Variants in GRID2 observed in about 807,000 individuals in gnomAD.
The protein encoded by GRID2 is glutamate ionotropic receptor delta type subunit 2, also known as glutamate receptor ionotropic, delta-2.
GRID2 carries 33 observed loss-of-function variants against 114.8 expected under a neutral mutation model. That is an observed-to-expected ratio of 0.29 (90% CI 0.22 to 0.38). The LOEUF (loss-of-function observed/expected upper bound fraction) is 0.38. Ranked by LOEUF, GRID2 falls within the 10% of genes least tolerant of loss-of-function variation. GRID2 has a pLI of 1.00. For missense variants in GRID2, 1,184 were observed against 1,257.7 expected, an observed-to-expected ratio of 0.94 and a Z score of 0.89; for synonymous variants, 505 against 449.9, an observed-to-expected ratio of 1.12 and a Z score of -1.55.
intron 1 of GRID2, among the ~76,000 whole-genome samples, chr4:92,380,152 C>CT (rs145161440): frequency 1.8e-4 from 27 of 150,926 alleles, no homozygotes; most frequent in South Asian, 4.2e-4. Flanking sequence ...AGCATTTTTA[C>CT]TTTTTTTTTG....
At chr4:93,506,421 G>A (rs1016136284) in intron 12 of GRID2, among the ~76,000 whole-genome samples, 1 of 152,028 alleles carries the variant, frequency 6.6e-6, no homozygotes, top group African/African-American at 2.4e-5. Flanking sequence ...TAGACCAAAC[G>A]CATCTTATAT....
At chr4:92,586,203 G>A (rs1728431256) in intron 1 of GRID2, among the ~76,000 whole-genome samples, 1 of 151,814 alleles carries the variant, frequency 6.6e-6, no homozygotes, top group Non-Finnish European at 1.5e-5. Context: ...AAACCAAGAA[G>A]GAGAAAAATC....
intron 1 of GRID2, among the ~76,000 whole-genome samples, chr4:92,386,883 T>C (rs1394252899): frequency 6.6e-6 from 1 of 151,910 alleles, no homozygotes; most frequent in African/African-American, 2.4e-5. Context: ...CTCATGTTTA[T>C]AAATTTGACA....
intron 7 of GRID2, among the ~76,000 whole-genome samples, chr4:93,235,058 T>G (rs1366079873): frequency 2.0e-5 from 3 of 152,090 alleles, no homozygotes; most frequent in East Asian, 3.8e-4. Flanking sequence ...TTTTTTTACT[T>G]TTTCCCCAAC....
At chr4:92,641,514 C>G (rs1731349436) in intron 2 of GRID2, among the ~76,000 whole-genome samples, 2 of 150,876 alleles carry the variant, frequency 1.3e-5, no homozygotes, top group Non-Finnish European at 3.0e-5. Flanking sequence ...AAGAAATCAT[C>G]AGAATTCAGG....
At chr4:93,580,923 A>G (rs1190323762) in intron 13 of GRID2, among the ~76,000 whole-genome samples, 1 of 150,992 alleles carries the variant, frequency 6.6e-6, no homozygotes, top group East Asian at 2.0e-4. Context: ...TGTGCAGATT[A>G]CAGTATTTGC....
At chr4:92,655,238 C>T (rs1732168936) in intron 2 of GRID2, among the ~76,000 whole-genome samples, 1 of 151,766 alleles carries the variant, frequency 6.6e-6, no homozygotes, top group Non-Finnish European at 1.5e-5. Context: ...TATTCTGTCC[C>T]ATTTGTCAAA....
intron 2 of GRID2, among the ~76,000 whole-genome samples, chr4:92,911,954 A>C (rs1748417877): frequency 6.6e-6 from 1 of 151,826 alleles, no homozygotes; most frequent in Admixed American, 6.6e-5. Flanking sequence ...ATGGCTTAAT[A>C]ATAATTTGGA....
intron 13 of GRID2, among the ~76,000 whole-genome samples, chr4:93,563,143 G>T (rs1416463117): frequency 6.6e-6 from 1 of 152,004 alleles, no homozygotes. Flanking sequence ...GAAATACACT[G>T]AATTATTAAA....
At chr4:92,325,475 T>A (rs1379556417) in intron 1 of GRID2, among the ~76,000 whole-genome samples, 3 of 151,848 alleles carry the variant, frequency 2.0e-5, no homozygotes, top group African/African-American at 7.2e-5. Context: ...ACATTTTACT[T>A]CAGTCTGTTT....
At chr4:93,327,521 G>T (rs1305554412) in intron 8 of GRID2, among the ~76,000 whole-genome samples, 4 of 151,916 alleles carry the variant, frequency 2.6e-5, no homozygotes, top group Non-Finnish European at 5.9e-5. Flanking sequence ...CAGTATACAA[G>T]ACTATTGTAT....
intron 1 of GRID2, among the ~76,000 whole-genome samples, chr4:92,457,251 A>G (rs958688180): frequency 2.0e-5 from 3 of 152,114 alleles, no homozygotes; most frequent in African/African-American, 7.2e-5. Flanking sequence ...CATATGAAAA[A>G]TCACTGTCTT....
intron 1 of GRID2, among the ~76,000 whole-genome samples, chr4:92,308,110 A>T (rs746654856): frequency 6.6e-6 from 1 of 152,302 alleles, no homozygotes; most frequent in African/African-American, 2.4e-5. Context: ...TTTTCTTCAT[A>T]CATCAGTCGT....
At chr4:93,346,373 A>T (rs575979378) in intron 8 of GRID2, among the ~76,000 whole-genome samples, 1 of 152,302 alleles carries the variant, frequency 6.6e-6, no homozygotes, top group Admixed American at 6.5e-5. Context: ...ATAGGACTGG[A>T]AGCTTTGACT....
intron 1 of GRID2, among the ~76,000 whole-genome samples, chr4:92,501,456 G>A (rs1723679528): frequency 6.6e-6 from 1 of 152,184 alleles, no homozygotes; most frequent in African/African-American, 2.4e-5. Flanking sequence ...CAGGAGGAAT[G>A]AAGGGAATGG....
chr4:93,406,793 A>C (rs1766481003), intron 9 of GRID2, among the ~76,000 whole-genome samples: 1 of 152,128 alleles, frequency 6.6e-6, no homozygotes, highest in Admixed American at 6.6e-5. Context: ...CTGACCTCCC[A>C]AAATGTCCAG....
chr4:93,205,540 C>T (rs1247929925), intron 4 of GRID2, among the ~76,000 whole-genome samples: 1 of 152,112 alleles, frequency 6.6e-6, no homozygotes, highest in Non-Finnish European at 1.5e-5. Context: ...GCCACATTTG[C>T]TTAATCCAGT....
At chr4:93,157,257 G>C (rs1169505239) in intron 4 of GRID2, among the ~76,000 whole-genome samples, 7 of 151,586 alleles carry the variant, frequency 4.6e-5, no homozygotes, top group Non-Finnish European at 8.9e-5. Flanking sequence ...TGAAAATGTA[G>C]GCTCCCCAGT....
chr4:93,495,706 T>C (rs1319074471), intron 12 of GRID2, among the ~76,000 whole-genome samples: 1 of 151,736 alleles, frequency 6.6e-6, no homozygotes, highest in Non-Finnish European at 1.5e-5. Flanking sequence ...CTAGTATGTC[T>C]CTACTTGATA....
Sources: allele counts gnomAD v4.1 joint callset (sites outside exome capture counted in the v4.1 genomes callset), GRCh38; gene constraint gnomAD v4.1.1; transcripts MANE v1.5; gene names NCBI Gene and HGNC (gene_info 2026-07-23, HGNC 2026-07-21).